GRID1: variants seen among roughly 807,000 people sequenced by gnomAD.
GRID1 encodes the protein glutamate ionotropic receptor delta type subunit 1.
GRID1 carries 28 observed loss-of-function variants against 98.0 expected under a neutral mutation model. The ratio of observed to expected loss-of-function variants is 0.29; its 90% CI spans 0.21 to 0.39. GRID1 has a LOEUF of 0.39. GRID1 is among the 10% of genes least tolerant of loss of function. GRID1 has a pLI of 1.00. For missense variants in GRID1, 1,111 were observed against 1,340.5 expected (o/e 0.83, Z 2.67); for synonymous variants, 553 against 538.5 (o/e 1.03, Z -0.37).
intron 8 of GRID1, among the ~76,000 whole-genome samples, chr10:85,733,735 T>C (rs1467495419): frequency 6.6e-6 from 1 of 152,102 alleles, no homozygotes; most frequent in Non-Finnish European, 1.5e-5. Flanking sequence ...TATTATAAAA[T>C]AGCTTAATTA....
intron 12 of GRID1, among the ~76,000 whole-genome samples, chr10:85,721,932 A>G (rs991048212): frequency 2.6e-5 from 4 of 152,212 alleles, no homozygotes; most frequent in Admixed American, 6.5e-5. Flanking sequence ...CCTGGTTTTG[A>G]TATAATATTA....
intron 2 of GRID1, among the ~76,000 whole-genome samples, chr10:86,354,759 C>T (rs1848511872): frequency 6.6e-6 from 1 of 152,226 alleles, no homozygotes; most frequent in Non-Finnish European, 1.5e-5. Flanking sequence ...TCTGGCCACT[C>T]TATGCACTCA....
chr10:86,027,371 C>A (rs1173750977), intron 4 of GRID1, among the ~76,000 whole-genome samples: 2 of 152,142 alleles, frequency 1.3e-5, no homozygotes, highest in African/African-American at 4.8e-5. Context: ...TGCCTGGTTT[C>A]TTTCACTTAG....
intron 3 of GRID1, among the ~76,000 whole-genome samples, chr10:86,183,396 G>A (rs1425423257): frequency 1.3e-5 from 2 of 151,888 alleles, no homozygotes; most frequent in Non-Finnish European, 2.9e-5. Context: ...TTTCACTCTT[G>A]TTGCCCAGGC....
At chr10:85,735,630 T>C (rs377250245) in intron 8 of GRID1, among the ~76,000 whole-genome samples, 1 of 152,178 alleles carries the variant, frequency 6.6e-6, no homozygotes, top group East Asian at 1.9e-4. Flanking sequence ...TTGGGCTTTG[T>C]GTTCTGTAGA....
intron 2 of GRID1, among the ~76,000 whole-genome samples, chr10:86,327,124 A>G (rs1382853129): frequency 1.3e-5 from 2 of 152,208 alleles, no homozygotes; most frequent in Admixed American, 6.5e-5. Flanking sequence ...CGACAGAGCA[A>G]CACTCCATCT....
At position 86,117,091 on chromosome 10, in the gene GRID1, C is replaced by T. The variant is rs1285149692; in HGVS notation, c.726+21728G>A. 3.6e-5 allele frequency among the ~76,000 whole-genome samples: 5 copies of T among 140,534 alleles called. No homozygotes were observed. In the East Asian group the frequency reaches 9.7e-4, roughly 27 times the overall value. 92.2% of individuals were successfully genotyped at this position (140,534 alleles called of 152,430 possible). A position where few individuals can be genotyped will look rare whatever the true frequency, so the allele number is the denominator to read the frequency against. ...ACCACCAATAACAACACCTTTACCA[C>T]CACCACCATTACCACCACCACCATT... On this transcript the variant is annotated intron_variant, in intron 4 of 15. Coordinates refer to ENST00000327946, the MANE Select transcript of GRID1 (RefSeq NM_017551.3).
intron 8 of GRID1, among the ~76,000 whole-genome samples, chr10:85,755,752 TGC>T (rs1233045374): frequency 6.6e-6 from 1 of 152,084 alleles, no homozygotes; most frequent in Non-Finnish European, 1.5e-5. Context: ...CTGACACCCT[TGC>T]CCAAGAACCC....
intron 12 of GRID1, among the ~76,000 whole-genome samples, chr10:85,692,660 C>G (rs1841346368): frequency 2.6e-5 from 1 of 38,400 alleles, no homozygotes; most frequent in Non-Finnish European, 4.5e-5. Flanking sequence ...GAGTGAGACC[C>G]TGTTAAAAAA....
chr10:86,185,164 AGT>A (rs1447761565), intron 3 of GRID1, among the ~76,000 whole-genome samples: 1 of 152,102 alleles, frequency 6.6e-6, no homozygotes, highest in East Asian at 1.9e-4. Flanking sequence ...TTTTCTCAGC[AGT>A]GTTTTGTAGT....
intron 4 of GRID1, among the ~76,000 whole-genome samples, chr10:86,081,275 G>C (rs549025507): frequency 4.2e-4 from 64 of 152,326 alleles, no homozygotes; most frequent in Non-Finnish European, 7.8e-4. Flanking sequence ...TGCAAAGAGG[G>C]CCGTGCAGAG....
intron 4 of GRID1, among the ~76,000 whole-genome samples, chr10:86,072,318 A>G (rs1002429313): frequency 3.3e-5 from 5 of 152,196 alleles, no homozygotes; most frequent in African/African-American, 1.2e-4. Flanking sequence ...ACCAAGGGCC[A>G]GGTGCCAGGA....
At chr10:86,164,115 A>AG (rs1845364023) in intron 3 of GRID1, among the ~76,000 whole-genome samples, 1 of 152,200 alleles carries the variant, frequency 6.6e-6, no homozygotes, top group African/African-American at 2.4e-5. Flanking sequence ...GCAGAGTGGG[A>AG]GGGGCTGTGT....
intron 2 of GRID1, among the ~76,000 whole-genome samples, chr10:86,270,372 G>C (rs1197145853): frequency 6.6e-6 from 1 of 150,882 alleles, no homozygotes; most frequent in Admixed American, 6.6e-5. Context: ...CATTAAATGA[G>C]CTCAGATACA....
chr10:85,712,771 A>G (rs1841595843), intron 12 of GRID1, among the ~76,000 whole-genome samples: 1 of 151,844 alleles, frequency 6.6e-6, no homozygotes, highest in Admixed American at 6.6e-5. Flanking sequence ...CCGGAGGAAA[A>G]TAAGAAAATT....
intron 4 of GRID1, among the ~76,000 whole-genome samples, chr10:86,121,781 C>G (rs1474007166): frequency 6.6e-6 from 1 of 152,200 alleles, no homozygotes; most frequent in African/African-American, 2.4e-5. Flanking sequence ...ACTATCCCTA[C>G]TTTAGATATA....
At chr10:85,701,754 C>T (rs2132623197) in intron 12 of GRID1, among the ~76,000 whole-genome samples, 1 of 152,240 alleles carries the variant, frequency 6.6e-6, no homozygotes, top group South Asian at 2.1e-4. Context: ...CATATGTTCT[C>T]ACTGATATGT....
intron 3 of GRID1, among the ~76,000 whole-genome samples, chr10:86,159,084 C>T (rs1051970660): frequency 2.0e-5 from 3 of 152,012 alleles, no homozygotes; most frequent in African/African-American, 4.8e-5. Context: ...TTGGTAGAGA[C>T]GGGGTTTCAC....
At chr10:85,675,281 T>C (rs946811218) in intron 12 of GRID1, among the ~76,000 whole-genome samples, 2 of 152,218 alleles carry the variant, frequency 1.3e-5, no homozygotes, top group Admixed American at 1.3e-4. Context: ...CAATGAACTC[T>C]GCATGATAAG....
Sources: allele counts gnomAD v4.1 joint callset (sites outside exome capture counted in the v4.1 genomes callset), GRCh38; gene constraint gnomAD v4.1.1; transcripts MANE v1.5; gene names NCBI Gene and HGNC (gene_info 2026-07-23, HGNC 2026-07-21).